Variants in SLC6A4 observed in about 807,000 individuals in gnomAD.
SLC6A4 encodes solute carrier family 6 member 4.
Under a neutral mutation model 73.4 loss-of-function variants are expected in SLC6A4, and 22 were observed. That is an observed-to-expected ratio of 0.30 (90% CI 0.21 to 0.43). The LOEUF (loss-of-function observed/expected upper bound fraction) is 0.43. Among genes scored for constraint, SLC6A4 ranks in the 20% least tolerant of loss-of-function variants. SLC6A4 has a pLI of 1.00. For missense variants in SLC6A4, 593 were observed against 808.5 expected (o/e 0.73, Z 3.23); for synonymous variants, 270 against 315.5 (o/e 0.86, Z 1.53).
In SLC6A4 at chr17:30,222,899, C is replaced by A. The variant is rs1035621670; in HGVS notation, c.-204G>T. ...CTGCAAGAGAGGGCAAGCAAGGTCGCCTTGCCTCCAGGAGACCTAGGGAGA... is the reference window on the plus strand; with the variant it reads ...CTGCAAGAGAGGGCAAGCAAGGTCGACTTGCCTCCAGGAGACCTAGGGAGA... On this transcript the variant is annotated 5_prime_UTR_variant, in exon 2 of 15. Transcript: ENST00000650711. 8.1e-7 allele frequency: 1 copy of A among 1,242,098 alleles called. No homozygotes were observed. The highest frequency in any genetic ancestry group is 1.1e-6 in the Non-Finnish European group (1 of 932,788). The allele number at this position is 1,242,098 out of a possible 1,614,324, so 76.9% of individuals were successfully genotyped here.
intron 5 of SLC6A4, among the ~76,000 whole-genome samples, chr17:30,217,869 GACGGGCTTGGGCGCATTGGAGCAA>G (rs1906627665): frequency 6.6e-6 from 1 of 152,234 alleles, no homozygotes; most frequent in South Asian, 2.1e-4. Context: ...TGAAGGGAGG[GACGGGCTTGGGCGCATTGGAGCAA>G]ACTGACTTGG....
chr17:30,207,489 G>A (rs752566679), intron 13 of SLC6A4, among the ~76,000 whole-genome samples: 6 of 152,122 alleles, frequency 3.9e-5, no homozygotes, highest in Non-Finnish European at 7.4e-5. Context: ...CTGGGTTCAA[G>A]CCATTCTCCT....
intron 1 of SLC6A4, among the ~76,000 whole-genome samples, chr17:30,230,146 G>GGAGGAGGAGGAGGAGGAA (rs1555591489): frequency 1.2e-4 from 15 of 129,820 alleles, no homozygotes; most frequent in African/African-American, 3.3e-4. Flanking sequence ...AGGAGGAGGA[G>GGAGGAGGAGGAGGAGGAA]GAGGAAGAGG....
intron 14 of SLC6A4, among the ~76,000 whole-genome samples, chr17:30,200,567 T>C (rs1263024647): frequency 1.3e-5 from 2 of 152,164 alleles, no homozygotes; most frequent in African/African-American, 4.8e-5. Flanking sequence ...ACCTTGCATA[T>C]GGCCAGGGCC....
At chr17:30,219,613 C>T (rs904128488) in intron 3 of SLC6A4, among the ~76,000 whole-genome samples, 7 of 152,190 alleles carry the variant, frequency 4.6e-5, no homozygotes, top group African/African-American at 1.2e-4. Flanking sequence ...TGACAAGCGC[C>T]GTTTGCAGGA....
chr17:30,211,392 C>T lies in SLC6A4; in HGVS notation c.1237G>A (p.Ala413Thr), dbSNP rs759854385. The stretch of plus-strand genomic sequence containing the variant: ...GTGGACGCTGGCATGTTGGCTATCG[C>T]TTCTGCATACGTGATGAAGAGGAGG... Reference protein sequence around the residue: ...PSLLFITYAEAIANMPASTFF... With the variant: ...PSLLFITYAETIANMPASTFF... The change falls in exon 10 of 15, where the codon GCG (alanine) becomes ACG (threonine). Residue 413 changes from alanine to threonine, a missense_variant. Ala to Thr is a moderately conservative substitution (Grantham distance 58). Transcript: ENST00000650711. The surrounding 1 kb of genome is among the most constrained non-coding windows in gnomAD (Gnocchi z 4.0). 1.2e-6 allele frequency: 2 copies of T among 1,613,770 alleles called. No homozygotes were observed. The highest frequency in any genetic ancestry group is 1.7e-6 in the Non-Finnish European group (2 of 1,179,738).
In SLC6A4 at chr17:30,235,297, CTCT is replaced by C. The variant is rs1907234311; in HGVS notation, c.-221+313_-221+315del. 6.6e-6 allele frequency among the ~76,000 whole-genome samples: 1 copy of C among 152,230 alleles called. No homozygotes were observed. Among genetic ancestry groups the C allele is most frequent in the South Asian group, 2.1e-4 (1 of 4,838 alleles). ...GCAGGACAGCACTTTGCTCAAGACC[CTCT>C]TTAAGGGGTCTTTCACGGGTCCTCA... On this transcript the variant is annotated intron_variant, in intron 1 of 14. Coordinates refer to ENST00000650711, the MANE Select transcript of SLC6A4 (RefSeq NM_001045.6). The surrounding 1 kb of genome is among the most constrained non-coding windows in gnomAD (Gnocchi z 4.5).
At position 30,218,191 on chromosome 17, in the gene SLC6A4, A is replaced by T; in HGVS notation, c.625T>A (p.Cys209Ser). The change falls in exon 5 of 15, where the codon TGC (cysteine) becomes AGC (serine). Residue 209 changes from cysteine (C) to serine (S), a missense_variant. By Grantham distance (112) the Cys-to-Ser change is moderately radical. Coordinates refer to ENST00000650711, the MANE Select transcript of SLC6A4 (RefSeq NM_001045.6). Reference sequence around the variant, plus strand: ...TTGTCCTCGGAGAAGTAATTGGTGCAGTTGCCAGTGTTCCAGGAGTTCTTG... The same window carrying T: ...TTGTCCTCGGAGAAGTAATTGGTGCTGTTGCCAGTGTTCCAGGAGTTCTTG... ...SCKNSWNTGN[C>S]TNYFSEDNIT... 6.2e-7 allele frequency: 1 copy of T among 1,614,250 alleles called. No individual in the cohort carries two copies. Among genetic ancestry groups the T allele is most frequent in the Non-Finnish European group, 8.5e-7 (1 of 1,180,042 alleles).
In SLC6A4 at chr17:30,222,874, C is replaced by T; in HGVS notation, c.-179G>A. On this transcript the variant is annotated 5_prime_UTR_variant, in exon 2 of 15. Coordinates refer to ENST00000650711, the MANE Select transcript of SLC6A4 (RefSeq NM_001045.6). The stretch of plus-strand genomic sequence containing the variant: ...TCCTGTGGCTAAGCCCCTTGTTATT[C>T]TGCAAGAGAGGGCAAGCAAGGTCGC... 1.5e-6 allele frequency: 2 copies of T among 1,302,052 alleles called. No individual in the cohort carries two copies. Among genetic ancestry groups the T allele is most frequent in the Non-Finnish European group, 2.0e-6 (2 of 986,714 alleles). The allele number at this position is 1,302,052 out of a possible 1,614,324, so 80.7% of individuals were successfully genotyped here.
chr17:30,235,564 G>A lies in SLC6A4; in HGVS notation c.-221+49C>T, dbSNP rs1208936251. On this transcript the variant is annotated intron_variant, in intron 1 of 14. Transcript: ENST00000650711. The surrounding 1 kb of genome is among the most constrained non-coding windows in gnomAD (Gnocchi z 4.5). ...TCCCCCTCCCCGAGGCGGGGAAGAA[G>A]GTCTGGAAAGAAACGTGGGTTCGAG... is the stretch of plus-strand genomic sequence containing the variant. The A allele has an allele frequency of 1.3e-5, 2 of 152,328 alleles. No individual in the cohort carries two copies. Among genetic ancestry groups the A allele is most frequent in the African/African-American group, 2.4e-5 (1 of 41,460 alleles). The allele number at this position is 152,328 out of a possible 1,614,324, so 9.4% of individuals were successfully genotyped here. A position where few individuals can be genotyped will look rare whatever the true frequency, so the allele number is the denominator to read the frequency against.
intron 13 of SLC6A4, among the ~76,000 whole-genome samples, chr17:30,206,727 T>TTTG (rs1567816307): frequency 3.5e-5 from 5 of 141,466 alleles, no homozygotes; most frequent in African/African-American, 1.3e-4. Flanking sequence ...TTTTTTTTTT[T>TTTG]TTTTTTTTTG....
In SLC6A4 at chr17:30,218,149, G is replaced by A; in HGVS notation, c.667C>T (p.His223Tyr). 3 of 1,614,212 alleles carry A rather than the reference G, an allele frequency of 1.9e-6. No homozygotes were observed. The highest frequency in any genetic ancestry group is 2.7e-5 in the African/African-American group (2 of 75,062). The change falls in exon 5 of 15, where the codon CAT (histidine) becomes TAT (tyrosine). Residue 223 changes from histidine to tyrosine, a missense_variant. Transcript: ENST00000650711. ...AATTCTTCAGCAGGGGACGTGGAATGGAGGGTCCAGGTGATGTTGTCCTCG... is the reference window on the plus strand; with the variant it reads ...AATTCTTCAGCAGGGGACGTGGAATAGAGGGTCCAGGTGATGTTGTCCTCG... ...FSEDNITWTL[H>Y]STSPAEEFYT... is the part of the protein sequence containing the mutation.
chr17:30,202,311 G>C (rs1176105655), intron 14 of SLC6A4, among the ~76,000 whole-genome samples: 1 of 152,140 alleles, frequency 6.6e-6, no homozygotes, highest in Admixed American at 6.5e-5. Context: ...TTTTAGTAGA[G>C]ACAGGATTTC....
chr17:30,210,485 C>T lies in SLC6A4; in HGVS notation c.1449+30G>A, dbSNP rs202168092. ...AGCGTTCTGCTGCCCTAGGGGAGGC[C>T]AACTCAAAGCTGAGGGGCATGATAC... is the stretch of plus-strand genomic sequence containing the variant. On this transcript the variant is annotated intron_variant, in intron 11 of 14. Transcript: ENST00000650711. 28 of 1,605,346 alleles carry T rather than the reference C, an allele frequency of 1.7e-5. No homozygotes were observed. The African/African-American group carries it at 2.8e-4, about 16-fold the overall frequency.
intron 3 of SLC6A4, among the ~76,000 whole-genome samples, chr17:30,220,757 G>C (rs1490392188): frequency 6.6e-6 from 1 of 152,142 alleles, no homozygotes; most frequent in African/African-American, 2.4e-5. Context: ...CAGGAGTGAA[G>C]GGACTCAGCA....
chr17:30,221,663 A>G lies in SLC6A4; in HGVS notation c.296T>C (p.Leu99Pro). Reference protein sequence around the residue: ...LLSVIGYAVDLGNVWRFPYIC... With the variant: ...LLSVIGYAVDPGNVWRFPYIC... ...GTAGGGGAAGCGCCAGACATTGCCC[A>G]GGTCCACAGCATAGCCAATCACTGA... The change falls in exon 3 of 15, where the codon CTG becomes CCG. Residue 99 changes from leucine (L) to proline (P), a missense_variant. Leu to Pro is a moderately conservative substitution (Grantham distance 98). Transcript: ENST00000650711. 2 of 1,614,170 alleles carry G rather than the reference A, an allele frequency of 1.2e-6. No homozygotes were observed. Among genetic ancestry groups the G allele is most frequent in the Non-Finnish European group, 1.7e-6 (2 of 1,180,022 alleles).
At chr17:30,220,583 A>G (rs1000860365) in intron 3 of SLC6A4, among the ~76,000 whole-genome samples, 1 of 152,208 alleles carries the variant, frequency 6.6e-6, no homozygotes, top group Non-Finnish European at 1.5e-5. Flanking sequence ...TCCAGCTTAA[A>G]TTCTGCCCAG....
rs550624264 is a variant in SLC6A4, at chr17:30,207,583, G to T, written c.1650+149C>A. 100 of 568,946 alleles carry T rather than the reference G, an allele frequency of 1.8e-4. No individual in the cohort carries two copies. The South Asian group carries it at 2.0e-3, about 12-fold the overall frequency. 35.2% of individuals were successfully genotyped at this position (568,946 alleles called of 1,614,324 possible). On this transcript the variant is annotated intron_variant, in intron 13 of 14. Transcript: ENST00000650711. ...TTGTATTTTTTTAAGTAGAGACGGG[G>T]TTTTGCCATGTTGGCCGCCTGCCTC...
At chr17:30,222,190 G>T (rs1906788241) in intron 2 of SLC6A4, 109 bp from the exon 3 acceptor site, 2 of 674,672 alleles carry the variant, frequency 3.0e-6, no homozygotes, top group Admixed American at 5.8e-5. Flanking sequence ...GATTACAAAT[G>T]CATCTGTTAA....
Sources: allele counts gnomAD v4.1 joint callset (sites outside exome capture counted in the v4.1 genomes callset), GRCh38; gene constraint gnomAD v4.1.1; non-coding constraint Gnocchi (gnomAD v3.1); transcripts MANE v1.5; gene names NCBI Gene and HGNC (gene_info 2026-07-23, HGNC 2026-07-21).